NUTM2D: variants seen among roughly 807,000 people sequenced by gnomAD.
The protein encoded by NUTM2D is NUT family member 2A pseudogene.
In NUTM2D, 2 loss-of-function variants were observed where a neutral mutation model predicts 43.5. The observed-to-expected ratio is 0.05, with a 90% CI of 0.02 to 0.14. The LOEUF (loss-of-function observed/expected upper bound fraction) is 0.14. Ranked by LOEUF, NUTM2D falls within the 10% of genes least tolerant of loss-of-function variation. The pLI is 1.00. For synonymous variants in NUTM2D, 24 were observed against 276.6 expected (o/e 0.09, Z 9.06); for missense variants, 48 against 668.7 (o/e 0.07, Z 10.24).
rs1850254923 is a variant in NUTM2D, at chr10:87,360,704, C to T, written c.390C>T (p.Asn130=). 3.6e-6 allele frequency: 2 copies of T among 562,816 alleles called. 1 individual carries two copies. The highest frequency in any genetic ancestry group is 4.6e-6 in the Non-Finnish European group (2 of 430,396). The allele number at this position is 562,816 out of a possible 1,614,324, so 34.9% of individuals were successfully genotyped here. ...GCGPSGAGAS[N]VFVQMRTEVG... ...GCCCGAGTGGGGCCGGGGCTTCCAACGTCTTTGTCCAGATGAGGACAGAGG... is the reference window on the plus strand; with the variant it reads ...GCCCGAGTGGGGCCGGGGCTTCCAATGTCTTTGTCCAGATGAGGACAGAGG... Residue 130 remains asparagine, a synonymous_variant, in exon 2 of 7, where the codon AAC becomes AAT. Coordinates refer to ENST00000381697, the MANE Select transcript of NUTM2D (RefSeq NM_001382304.1).
downstream of NUTM2D, chr10:87,367,384 T>A (rs1230596545): frequency 1.9e-6 from 3 of 1,602,162 alleles, no homozygotes; most frequent in Non-Finnish European, 2.6e-6. Flanking sequence ...GAAGCCCTGA[T>A]CCCTCCCACC....
chr10:87,359,848 G>A (rs1475798486), intron 1 of NUTM2D, among the ~76,000 whole-genome samples: 2 of 152,346 alleles, frequency 1.3e-5, no homozygotes, highest in African/African-American at 4.8e-5. Flanking sequence ...CCCCTATTTA[G>A]CACTTGCTGT....
chr10:87,361,137 C>T lies in NUTM2D; in HGVS notation c.823C>T (p.Leu275Phe), dbSNP rs1409068958. The T allele has an allele frequency of 6.8e-7, 1 of 1,460,186 alleles. No homozygotes were observed. The highest frequency in any genetic ancestry group is 9.1e-7 in the Non-Finnish European group (1 of 1,094,336). 90.5% of individuals were successfully genotyped at this position (1,460,186 alleles called of 1,614,324 possible). ...QHYKPLARRH[L>F]PQSPDTEALS... Reference sequence around the variant, plus strand: ...CTACAAGCCCCTGGCCCGGAGGCACCTTCCCCAGAGTCCTGACACCGAAGC... The same window carrying T: ...CTACAAGCCCCTGGCCCGGAGGCACTTTCCCCAGAGTCCTGACACCGAAGC... Residue 275 changes from leucine to phenylalanine, a missense_variant, in exon 2 of 7, where the codon CTT (leucine) becomes TTT (phenylalanine). By Grantham distance (22) the Leu-to-Phe change is conservative. Transcript: ENST00000381697.
downstream of NUTM2D, chr10:87,369,612 A>G (rs1022787847): frequency 6.6e-6 from 1 of 152,118 alleles, no homozygotes; most frequent in Non-Finnish European, 1.5e-5. Flanking sequence ...CTCCACCCCA[A>G]GTGCAGTGTA....
intron 5 of NUTM2D, 135 bp downstream of exon 5, chr10:87,365,338 T>G: frequency 2.0e-6 from 3 of 1,509,048 alleles, no homozygotes; most frequent in Non-Finnish European, 2.7e-6. Flanking sequence ...TGTATGTGAT[T>G]GTGTGTGTCT....
downstream of NUTM2D, chr10:87,367,793 C>T (rs1435504639): frequency 2.4e-5 from 4 of 165,762 alleles, no homozygotes; most frequent in African/African-American, 1.3e-4. Flanking sequence ...TGCATGGAGC[C>T]CCCCACAGCT....
Position 87,358,092 on chromosome 10 carries a change from G to C in NUTM2D, c.-174G>C, listed in dbSNP as rs1850231132. ...CATCAGGTAGAAGCTTTTGCTGTGA[G>C]TCAGAAGGACAATTTAAAAGTTGCC... On this transcript the variant is annotated 5_prime_UTR_variant, in exon 1 of 7. Transcript: ENST00000381697. The C allele has an allele frequency of 1.3e-6, 2 of 1,562,710 alleles. No homozygotes were observed. The highest frequency in any genetic ancestry group is 2.3e-5 in the East Asian group (1 of 43,286).
chr10:87,369,452 C>A (rs1296578671), downstream of NUTM2D: 1 of 150,390 alleles, frequency 6.6e-6, no homozygotes, highest in African/African-American at 2.5e-5. Flanking sequence ...TGTGCCACCA[C>A]CCCCAAGTCT....
At chr10:87,370,509 G>A (rs1240288453), downstream of NUTM2D, 1 of 152,168 alleles carries the variant, frequency 6.6e-6, no homozygotes, top group Non-Finnish European at 1.5e-5. Context: ...TGGTTCTGAA[G>A]TTGCATCTCA....
rs2767101 is a variant in NUTM2D at position 87,358,368 on chromosome 10, C to T, written c.103C>T (p.His35Tyr). 0.22 allele frequency: 337,806 copies of T among 1,565,658 alleles called. 20,984 individuals are homozygous for T. Among genetic ancestry groups the T allele is most frequent in the African/African-American group, 0.51 (37,253 of 73,374 alleles). Residue 35 changes from histidine to tyrosine, a missense_variant, in exon 1 of 7, where the codon CAT becomes TAT. Transcript: ENST00000381697. ...TCTGGGTCTTACCCTTGGCTTTTCT[C>T]ATTGTGGAAACTGCCAGACAGCGGT... ...HSLGLTLGFSHCGNCQTAVVS... is the reference protein window; with the variant it reads ...HSLGLTLGFSYCGNCQTAVVS...
intron 5 of NUTM2D, 148 bp downstream of exon 5, chr10:87,365,351 G>A (rs1850284878): frequency 1.4e-6 from 2 of 1,458,798 alleles, no homozygotes; most frequent in Non-Finnish European, 1.8e-6. Flanking sequence ...GTGTGTCTGT[G>A]TGTTGCTGTG....
At chr10:87,368,793 A>ACTC (rs1343107125), downstream of NUTM2D, 10 of 57,840 alleles carry the variant, frequency 1.7e-4, no homozygotes, top group African/African-American at 6.6e-4. Flanking sequence ...AGCTCCCGTG[A>ACTC]CTCCTCTACA....
chr10:87,365,276 C>G (rs940458230), intron 5 of NUTM2D, 73 bp downstream of exon 5: 1 of 1,553,046 alleles, frequency 6.4e-7, no homozygotes, highest in South Asian at 1.3e-5. Flanking sequence ...GAATTAAGCT[C>G]TGTTCCTTAG....
downstream of NUTM2D, chr10:87,369,450 C>T (rs968448651): frequency 2.7e-5 from 4 of 150,258 alleles, no homozygotes; most frequent in Non-Finnish European, 5.9e-5. Flanking sequence ...TATGTGCCAC[C>T]ACCCCCAAGT....
downstream of NUTM2D, chr10:87,370,291 A>G (rs1257949486): frequency 3.9e-5 from 6 of 152,164 alleles, no homozygotes; most frequent in African/African-American, 1.4e-4. Flanking sequence ...CTGGGGATGT[A>G]TGTTTCCATT....
chr10:87,365,813 AG>A lies in NUTM2D; in HGVS notation c.1635+12del. On this transcript the variant is annotated intron_variant, in intron 6 of 6. Transcript: ENST00000381697. ...GGACTCACCCTTGCCCAGGTACCCCAGGGGCAGGAGGGACCTGGCACACAAG... is the reference window on the plus strand; with the variant it reads ...GGACTCACCCTTGCCCAGGTACCCCAGGGCAGGAGGGACCTGGCACACAAG... 2 of 859,920 alleles carry A rather than the reference AG, an allele frequency of 2.3e-6. No homozygotes were observed. Among genetic ancestry groups the A allele is most frequent in the East Asian group, 2.4e-5 (1 of 42,046 alleles). 53.3% of individuals were successfully genotyped at this position (859,920 alleles called of 1,614,324 possible). A position where few individuals can be genotyped will look rare whatever the true frequency, so the allele number is the denominator to read the frequency against.
downstream of NUTM2D, chr10:87,370,665 T>G (rs1323486344): frequency 1.3e-5 from 2 of 152,246 alleles, no homozygotes; most frequent in African/African-American, 4.8e-5. Context: ...TAAGAATTCT[T>G]TATATATTCC....
downstream of NUTM2D, chr10:87,370,041 C>G (rs1850340455): frequency 6.6e-6 from 1 of 152,118 alleles, no homozygotes; most frequent in Non-Finnish European, 1.5e-5. Flanking sequence ...GCATGATGCC[C>G]TATGAATGGA....
At chr10:87,365,369 G>A (rs1850285167) in intron 5 of NUTM2D, among the ~76,000 whole-genome samples, 166 bp downstream of exon 5, 1 of 151,088 alleles carries the variant, frequency 6.6e-6, no homozygotes, top group Admixed American at 6.6e-5. Context: ...GTGTGTTTGT[G>A]TCTGTGGTTT....
Sources: gnomAD v4.1 joint callset for allele counts (sites outside exome capture counted in the v4.1 genomes callset) on GRCh38, gnomAD v4.1.1 for gene constraint, MANE v1.5 for transcripts, NCBI Gene and HGNC (gene_info 2026-07-23, HGNC 2026-07-21) for gene names.